SENP3: variants seen among roughly 807,000 people sequenced by gnomAD.
SENP3 encodes sentrin-specific protease 3.
In SENP3, 11 loss-of-function variants were observed where a neutral mutation model predicts 66.2. The observed-to-expected ratio is 0.17, with a 90% CI of 0.10 to 0.28. The LOEUF (loss-of-function observed/expected upper bound fraction) is 0.28. SENP3 is among the 10% of genes least tolerant of loss of function. SENP3 has a pLI of 1.00. For synonymous variants in SENP3, 292 were observed against 277.6 expected, an observed-to-expected ratio of 1.05 and a Z score of -0.52; for missense variants, 548 against 743.7, an observed-to-expected ratio of 0.74 and a Z score of 3.06.
chr17:7,565,971 T>C, intron 6 of SENP3: 1 of 539,592 alleles, frequency 1.9e-6, no homozygotes, highest in Non-Finnish European at 3.3e-6. Context: ...TTAGTGTTTT[T>C]CGCTATGGCC....
chr17:7,570,838 CT>C lies in SENP3; in HGVS notation c.1564-44del. On this transcript the variant is annotated intron_variant, in intron 9 of 10. Transcript: ENST00000321337. The surrounding 1 kb of genome is among the most constrained non-coding windows in gnomAD (Gnocchi z 5.4). ...GAAGGCAGAAATTGAAGTCCTACCC[CT>C]GGGAGTCTCCATGTGAAGGGCCTGC... The C allele has an allele frequency of 6.2e-7, 1 of 1,606,308 alleles. No homozygotes were observed. Among genetic ancestry groups the C allele is most frequent in the Non-Finnish European group, 8.5e-7 (1 of 1,175,620 alleles).
chr17:7,569,106 C>T (rs1251538130), intron 7 of SENP3, among the ~76,000 whole-genome samples: 1 of 152,082 alleles, frequency 6.6e-6, no homozygotes, highest in Non-Finnish European at 1.5e-5. Flanking sequence ...TGTTTTTTTG[C>T]CGGGCGCGGT....
chr17:7,564,906 C>A, intron 3 of SENP3, 42 bp downstream of exon 3: 1 of 1,603,470 alleles, frequency 6.2e-7, no homozygotes, highest in Non-Finnish European at 8.5e-7. Context: ...CCTTCTCCGA[C>A]TCCTAGAGGA....
chr17:7,568,907 G>C (rs944019622), intron 7 of SENP3, among the ~76,000 whole-genome samples: 2 of 152,182 alleles, frequency 1.3e-5, no homozygotes, highest in Non-Finnish European at 2.9e-5. Context: ...TTGTGAGACT[G>C]AGCCCTAAAC....
At position 7,563,331 on chromosome 17, in the gene SENP3, G is replaced by GGATGAA. The variant is rs1451226124; in HGVS notation, c.264_269dup (p.Asp88_Glu89dup). The GGATGAA allele has an allele frequency of 6.4e-7, 1 of 1,552,558 alleles. No homozygotes were observed. Among genetic ancestry groups the GGATGAA allele is most frequent in the Non-Finnish European group, 8.7e-7 (1 of 1,147,358 alleles). ...AGGAGGAAGAAGAGGAGGAGGAGGAGGATGAAGATGAAGAGGAGGAAGTGG... is the reference window on the plus strand; with the variant it reads ...AGGAGGAAGAAGAGGAGGAGGAGGAGGATGAAGATGAAGATGAAGAGGAGGAAGTGG... On this transcript the variant is annotated inframe_insertion, in exon 2 of 11. Coordinates refer to ENST00000321337, the MANE Select transcript of SENP3 (RefSeq NM_015670.6).
chr17:7,571,414 CCAGCAGG>C lies in SENP3; in HGVS notation c.1657_1663del (p.Gln553ThrfsTer129). On this transcript the variant is annotated frameshift_variant, in exon 11 of 11. Coordinates refer to ENST00000321337, the MANE Select transcript of SENP3 (RefSeq NM_015670.6). LOFTEE classifies it high-confidence loss of function. ...CCCTGTCTCAGCCATTCAGCTTCAC[CCAGCAGG>C]ACATGCCCAAACTTCGTCGGCAGAT... 2 of 1,613,734 alleles carry C rather than the reference CCAGCAGG, an allele frequency of 1.2e-6. No individual in the cohort carries two copies. The highest frequency in any genetic ancestry group is 3.3e-5 in the Admixed American group (2 of 59,980).
chr17:7,563,842 A>G, intron 2 of SENP3, 51 bp downstream of exon 2: 1 of 1,448,338 alleles, frequency 6.9e-7, no homozygotes, highest in African/African-American at 1.4e-5. Context: ...AGGGAGGGTT[A>G]AGAGCCTGGA....
intron 2 of SENP3, chr17:7,564,220 A>G: frequency 2.5e-6 from 1 of 399,160 alleles, no homozygotes; most frequent in Non-Finnish European, 4.7e-6. Context: ...TTGTGAAAGA[A>G]TATTTCCCTT....
At position 7,563,366 on chromosome 17, in the gene SENP3, G is replaced by A. The variant is rs2071238475; in HGVS notation, c.290G>A (p.Arg97Lys). ...GAAGAGGAGGAAGTGGCAGCTTGGA[G>A]GCTGCCCCCAAGATGGAGTCAGCTG... Reference protein sequence around the residue: ...EDEEEEVAAWRLPPRWSQLGT... With the variant: ...EDEEEEVAAWKLPPRWSQLGT... The change falls in exon 2 of 11, where the codon AGG (arginine) becomes AAG (lysine). Residue 97 changes from arginine (R) to lysine (K), a missense_variant. Transcript: ENST00000321337. The A allele has an allele frequency of 6.4e-7, 1 of 1,551,566 alleles. No homozygotes were observed. Among genetic ancestry groups the A allele is most frequent in the African/African-American group, 1.4e-5 (1 of 73,188 alleles).
intron 6 of SENP3, 42 bp from the exon 7 acceptor site, chr17:7,566,885 G>C: frequency 7.3e-7 from 1 of 1,369,774 alleles, no homozygotes; most frequent in Non-Finnish European, 1.0e-6. Context: ...GAGAGTCTGA[G>C]GTCTTTTAAT....
rs1430210621 is a variant in SENP3, at chr17:7,563,346, G to A, written c.270G>A (p.Glu90=). 3.2e-6 allele frequency: 5 copies of A among 1,552,216 alleles called. No homozygotes were observed. In the African/African-American group the frequency reaches 6.8e-5, roughly 21 times the overall value. The change falls in exon 2 of 11, where the codon GAG becomes GAA. Residue 90 remains glutamate (E), a synonymous_variant. Coordinates refer to ENST00000321337, the MANE Select transcript of SENP3 (RefSeq NM_015670.6). The part of the protein sequence containing the change: ...EEEEEEDEDE[E]EEVAAWRLPP... ...AGGAGGAGGAGGATGAAGATGAAGA[G>A]GAGGAAGTGGCAGCTTGGAGGCTGC...
At position 7,571,715 on chromosome 17, in the gene SENP3, A is replaced by G; in HGVS notation, c.*232A>G. ...CCCTTTCTTCCTCTGTTTGCAGGGG[A>G]GTGTGGCCCTGTGGCCTGGGTGGAG... On this transcript the variant is annotated 3_prime_UTR_variant, in exon 11 of 11. Transcript: ENST00000321337. The G allele has an allele frequency of 4.9e-6, 2 of 405,188 alleles. No individual in the cohort carries two copies. The highest frequency in any genetic ancestry group is 4.6e-5 in the South Asian group (2 of 43,194). The allele number at this position is 405,188 out of a possible 1,614,324, so 25.1% of individuals were successfully genotyped here. A position where few individuals can be genotyped will look rare whatever the true frequency, so the allele number is the denominator to read the frequency against.
intron 2 of SENP3, 159 bp from the exon 3 acceptor site, chr17:7,564,466 T>C: frequency 1.0e-6 from 1 of 1,003,192 alleles, no homozygotes; most frequent in Non-Finnish European, 1.5e-6. Context: ...CTCATGCTTA[T>C]GGGGTCCCCA....
intron 7 of SENP3, among the ~76,000 whole-genome samples, chr17:7,568,531 G>A (rs981102761): frequency 7.2e-5 from 11 of 152,202 alleles, no homozygotes; most frequent in Non-Finnish European, 2.9e-5. Flanking sequence ...AGAGGTTGCA[G>A]TGAGCCGAGA....
In SENP3 at chr17:7,570,841, G is replaced by A. The variant is rs759972767; in HGVS notation, c.1564-42G>A. ...GGCAGAAATTGAAGTCCTACCCCTGGGAGTCTCCATGTGAAGGGCCTGCTT... is the reference window on the plus strand; with the variant it reads ...GGCAGAAATTGAAGTCCTACCCCTGAGAGTCTCCATGTGAAGGGCCTGCTT... On this transcript the variant is annotated intron_variant, in intron 9 of 10. Transcript: ENST00000321337. The surrounding 1 kb of genome is among the most constrained non-coding windows in gnomAD (Gnocchi z 5.4). 1 of 1,607,326 alleles carries A rather than the reference G, an allele frequency of 6.2e-7. No individual in the cohort carries two copies. The highest frequency in any genetic ancestry group is 1.7e-5 in the Admixed American group (1 of 58,838).
intron 7 of SENP3, 120 bp downstream of exon 7, chr17:7,567,124 T>G (rs147479100): frequency 2.9e-5 from 22 of 762,008 alleles, no homozygotes; most frequent in African/African-American, 1.4e-4. Context: ...TAAACGTCTC[T>G]TGTGTGTGTA....
chr17:7,569,582 C>T (rs2071296020), intron 7 of SENP3, among the ~76,000 whole-genome samples: 1 of 152,060 alleles, frequency 6.6e-6, no homozygotes, highest in South Asian at 2.1e-4. Context: ...GAAATTTCTA[C>T]AGCTAGGCAG....
Position 7,563,371 on chromosome 17 carries a change from C to T in SENP3, c.295C>T (p.Pro99Ser). 1 of 1,551,350 alleles carries T rather than the reference C, an allele frequency of 6.4e-7. No individual in the cohort carries two copies. The highest frequency in any genetic ancestry group is 8.7e-7 in the Non-Finnish European group (1 of 1,146,998). ...EEEEVAAWRL[P>S]PRWSQLGTSQ... ...GGAGGAAGTGGCAGCTTGGAGGCTG[C>T]CCCCAAGATGGAGTCAGCTGGGAAC... The change falls in exon 2 of 11, where the codon CCC becomes TCC. Residue 99 changes from proline to serine, a missense_variant. By Grantham distance (74) the Pro-to-Ser change is moderately conservative. Coordinates refer to ENST00000321337, the MANE Select transcript of SENP3 (RefSeq NM_015670.6).
intron 7 of SENP3, among the ~76,000 whole-genome samples, chr17:7,569,555 T>G (rs1274172587): frequency 6.6e-6 from 1 of 152,056 alleles, no homozygotes; most frequent in African/African-American, 2.4e-5. Flanking sequence ...TTCCCTGCCC[T>G]CCCATTCAAA....
Sources: allele counts gnomAD v4.1 joint callset (sites outside exome capture counted in the v4.1 genomes callset), GRCh38; gene constraint gnomAD v4.1.1; non-coding constraint Gnocchi (gnomAD v3.1); transcripts MANE v1.5; gene names NCBI Gene and HGNC (gene_info 2026-07-23, HGNC 2026-07-21).